Variants in NDST3 observed in about 807,000 individuals in gnomAD.
The protein encoded by NDST3 is bifunctional heparan sulfate N-deacetylase/N-sulfotransferase 3.
NDST3 carries 58 observed loss-of-function variants against 96.1 expected under a neutral mutation model. The observed-to-expected ratio is 0.60, with a 90% confidence interval of 0.49 to 0.75. NDST3 has a LOEUF of 0.75. Among genes scored for constraint, NDST3 ranks in the 30% least tolerant of loss-of-function variants. The pLI, the probability that NDST3 is intolerant of heterozygous loss-of-function variation, is 0.00. For missense variants in NDST3, 788 were observed against 1,034.2 expected (o/e 0.76, Z 3.27); for synonymous variants, 333 against 359.7 (o/e 0.93, Z 0.84).
intron 6 of NDST3, among the ~76,000 whole-genome samples, chr4:118,179,313 T>C (rs1167653924): frequency 6.6e-6 from 1 of 152,086 alleles, no homozygotes; most frequent in Non-Finnish European, 1.5e-5. Flanking sequence ...TAACTTCACA[T>C]ATTTTTAACA....
In NDST3 at chr4:118,079,279, G is replaced by A. The variant is rs183258354; in HGVS notation, c.981+24388G>A. ...AATCTTATAGGAATAAGAGAGCTAC[G>A]AAGAAAATGAAACAGGGTCAGTGGG... is the stretch of plus-strand genomic sequence containing the variant. On this transcript the variant is annotated intron_variant, in intron 2 of 13. Transcript: ENST00000296499. 3.2e-3 allele frequency among the ~76,000 whole-genome samples: 481 copies of A among 152,250 alleles called. 2 individuals are homozygous for A. The highest frequency in any genetic ancestry group is 9.5e-3 in the African/African-American group (395 of 41,552).
At chr4:118,187,055 C>T (rs1737012699) in intron 6 of NDST3, among the ~76,000 whole-genome samples, 1 of 152,158 alleles carries the variant, frequency 6.6e-6, no homozygotes. Flanking sequence ...ATGAACCAAT[C>T]CAACTACAAT....
intron 6 of NDST3, among the ~76,000 whole-genome samples, chr4:118,170,511 C>T (rs895237562): frequency 6.6e-6 from 1 of 152,118 alleles, no homozygotes; most frequent in African/African-American, 2.4e-5. Flanking sequence ...CGGCAGATCA[C>T]GAGGTCAGGA....
chr4:118,101,016 A>C (rs1729720947), intron 2 of NDST3, among the ~76,000 whole-genome samples: 1 of 152,146 alleles, frequency 6.6e-6, no homozygotes, highest in Non-Finnish European at 1.5e-5. Flanking sequence ...TATTAACTCT[A>C]AAAGTACTGT....
chr4:118,113,939 G>T (rs1457887954), intron 3 of NDST3, among the ~76,000 whole-genome samples: 1 of 152,056 alleles, frequency 6.6e-6, no homozygotes, highest in Non-Finnish European at 1.5e-5. Flanking sequence ...GCCTAGGGAA[G>T]TACAAAAAGG....
chr4:118,162,466 C>A lies in NDST3; in HGVS notation c.1539+18782C>A, dbSNP rs112136199. ...TGCTGCGTATCTACAACTATCTGAT[C>A]TTTGAAAAACCTGAGAAAAACAAGC... is the stretch of plus-strand genomic sequence containing the variant. On this transcript the variant is annotated intron_variant, in intron 6 of 13. Coordinates refer to ENST00000296499, the MANE Select transcript of NDST3 (RefSeq NM_004784.3). 6.7e-4 allele frequency among the ~76,000 whole-genome samples: 102 copies of A among 151,974 alleles called. 1 individual carries two copies. Among genetic ancestry groups the A allele is most frequent in the African/African-American group, 2.3e-3 (93 of 41,326 alleles).
At chr4:118,169,709 G>A (rs562725064) in intron 6 of NDST3, among the ~76,000 whole-genome samples, 8 of 151,530 alleles carry the variant, frequency 5.3e-5, no homozygotes, top group Non-Finnish European at 7.4e-5. Flanking sequence ...CACAAGAATC[G>A]CTTGAACCCA....
At chr4:118,214,038 A>G (rs1052007622) in intron 6 of NDST3, among the ~76,000 whole-genome samples, 2 of 152,180 alleles carry the variant, frequency 1.3e-5, no homozygotes, top group Non-Finnish European at 2.9e-5. Context: ...AACAAGTCAA[A>G]ACAACTAATC....
intron 1 of NDST3, among the ~76,000 whole-genome samples, chr4:118,051,853 A>C (rs573032648): frequency 3.3e-5 from 5 of 152,270 alleles, no homozygotes; most frequent in African/African-American, 1.2e-4. Flanking sequence ...TACACCAGTC[A>C]GAATGGCAAT....
rs75633576 is a variant in NDST3, at chr4:118,225,119, G to A, written c.1722+446G>A. Among the ~76,000 whole-genome samples the A allele has an allele frequency of 4.1e-3, 620 of 152,268 alleles. 6 individuals carry two copies. Among genetic ancestry groups the A allele is most frequent in the African/African-American group, 0.014 (599 of 41,554 alleles). The stretch of plus-strand genomic sequence containing the variant: ...TTCTGAACCACGAGGTACACCAACA[G>A]CCAACAGCCACTGAATGTGGACAGC... On this transcript the variant is annotated intron_variant, in intron 7 of 13. Transcript: ENST00000296499.
chr4:118,180,337 A>G (rs951759728), intron 6 of NDST3, among the ~76,000 whole-genome samples: 1 of 152,088 alleles, frequency 6.6e-6, no homozygotes, highest in South Asian at 2.1e-4. Context: ...GCTTCCACTT[A>G]TAAGTGAGAA....
At chr4:118,154,121 AAAT>A (rs1377591040) in intron 6 of NDST3, among the ~76,000 whole-genome samples, 3 of 152,166 alleles carry the variant, frequency 2.0e-5, no homozygotes, top group African/African-American at 4.8e-5. Context: ...GCTACACTAA[AAAT>A]AATAATAATC....
At position 118,094,889 on chromosome 4, in the gene NDST3, T is replaced by G. The variant is rs183856355; in HGVS notation, c.982-10129T>G. On this transcript the variant is annotated intron_variant, in intron 2 of 13. Transcript: ENST00000296499. ...GAAAAAATAAAGCAGAGAATCCAGG[T>G]ATAGCGTGATAGGCTGAGCATTTAT... Among the ~76,000 whole-genome samples, 9 of 151,886 alleles carry G rather than the reference T, an allele frequency of 5.9e-5. No homozygotes were observed. In the East Asian group the frequency reaches 1.7e-3, roughly 29 times the overall value.
intron 6 of NDST3, among the ~76,000 whole-genome samples, chr4:118,180,645 TA>T (rs988746730): frequency 4.6e-5 from 7 of 152,178 alleles, no homozygotes; most frequent in Non-Finnish European, 1.0e-4. Context: ...AGAGCCTAGA[TA>T]AAAGCCTAAG....
chr4:118,222,523 G>A (rs772403834), intron 6 of NDST3, among the ~76,000 whole-genome samples: 2 of 151,948 alleles, frequency 1.3e-5, no homozygotes, highest in Non-Finnish European at 2.9e-5. Flanking sequence ...GTCATAAGGT[G>A]ACATGCGTTA....
chr4:118,036,454 A>G (rs950004506), intron 1 of NDST3, among the ~76,000 whole-genome samples: 1 of 152,210 alleles, frequency 6.6e-6, no homozygotes, highest in Non-Finnish European at 1.5e-5. Flanking sequence ...GTAAGGGAAA[A>G]CAGTAGAAGT....
At chr4:118,139,080 T>C (rs1733356914) in intron 5 of NDST3, among the ~76,000 whole-genome samples, 1 of 152,226 alleles carries the variant, frequency 6.6e-6, no homozygotes, top group Non-Finnish European at 1.5e-5. Context: ...TTTTTCAATG[T>C]CTGCAAAAAT....
In NDST3 at chr4:118,257,303, T is replaced by G. The variant is rs1742178194; in HGVS notation, c.*1591T>G. On this transcript the variant is annotated 3_prime_UTR_variant, in exon 14 of 14. Coordinates refer to ENST00000296499, the MANE Select transcript of NDST3 (RefSeq NM_004784.3). ...ACAGCCATGCACCACCACGCCCGGG[T>G]AATTTTTGTATTTTTAGTAGTGACA... The G allele has an allele frequency of 6.6e-6, 1 of 151,970 alleles. No individual in the cohort carries two copies. Among genetic ancestry groups the G allele is most frequent in the Admixed American group, 6.6e-5 (1 of 15,250 alleles). 9.4% of individuals were successfully genotyped at this position (151,970 alleles called of 1,614,324 possible).
intron 2 of NDST3, among the ~76,000 whole-genome samples, chr4:118,072,554 C>T (rs1025973176): frequency 4.6e-5 from 7 of 151,966 alleles, no homozygotes; most frequent in African/African-American, 1.7e-4. Flanking sequence ...TACAGAAATG[C>T]TACTTATTTT....
Sources: gnomAD v4.1 joint callset for allele counts (sites outside exome capture counted in the v4.1 genomes callset) on GRCh38, gnomAD v4.1.1 for gene constraint, MANE v1.5 for transcripts, NCBI Gene and HGNC (gene_info 2026-07-23, HGNC 2026-07-21) for gene names.